HDAC4: variants seen among roughly 807,000 people sequenced by gnomAD.
HDAC4 encodes histone deacetylase A.
A neutral mutation model predicts 135.1 loss-of-function variants in HDAC4; 16 were observed. That is an observed-to-expected ratio of 0.12 (90% confidence interval 0.08 to 0.18). HDAC4 has a LOEUF of 0.18. HDAC4 is among the 10% of genes least tolerant of loss of function. The probability of loss-of-function intolerance (pLI) is 1.00; values close to 1 mark genes in which losing one functional copy is unlikely to be tolerated. For missense variants in HDAC4, 1,143 were observed against 1,511.8 expected (o/e 0.76, Z 4.05); for synonymous variants, 685 against 653.4 (o/e 1.05, Z -0.74).
At chr2:239,065,716 G>T (rs1002257938) in intron 24 of HDAC4, among the ~76,000 whole-genome samples, 1 of 152,210 alleles carries the variant, frequency 6.6e-6, no homozygotes, top group Non-Finnish European at 1.5e-5. Context: ...CTCAGGCACT[G>T]CCCTGCCCTC....
intron 1 of HDAC4, among the ~76,000 whole-genome samples, chr2:239,359,716 G>C (rs1169655815): frequency 6.6e-6 from 1 of 152,206 alleles, no homozygotes; most frequent in Non-Finnish European, 1.5e-5. Context: ...CTGAGAGCCA[G>C]GTCACCAGGA....
chr2:239,378,993 ACACAG>A (rs888488773), intron 1 of HDAC4, among the ~76,000 whole-genome samples: 6 of 152,210 alleles, frequency 3.9e-5, no homozygotes, highest in African/African-American at 1.4e-4. Context: ...ACTCACTGGC[ACACAG>A]CAGAATCTTC....
chr2:239,078,665 G>T (rs2035005301), intron 22 of HDAC4, among the ~76,000 whole-genome samples: 1 of 152,206 alleles, frequency 6.6e-6, no homozygotes, highest in Admixed American at 6.5e-5. Flanking sequence ...ACTCAGAAAG[G>T]CACGTTCATC....
Position 239,126,607 on chromosome 2 carries a change from A to C in HDAC4, c.1382T>G (p.Leu461Arg). ...ADRVSPSIHK[L>R]RQHRPLGRTQ... is the part of the protein sequence containing the mutation. ...CCGCCCCAGTGGGCGGTGCTGCCGC[A>C]GCTTGTGGATGGAGGGGGACACCCG... Residue 461 changes from leucine (L) to arginine (R), a missense_variant, in exon 12 of 27, where the codon CTG becomes CGG. Physicochemically the swap from Leu to Arg is moderately radical, Grantham distance 102. Around this residue, in one of 9 missense-constraint regions of HDAC4, gnomAD observed 272 missense variants for 309.7 expected, o/e 0.88. Transcript: ENST00000543185. The C allele has an allele frequency of 5.6e-6, 9 of 1,613,956 alleles. No homozygotes were observed. The highest frequency in any genetic ancestry group is 7.6e-6 in the Non-Finnish European group (9 of 1,179,994).
At chr2:239,151,831 C>A (rs1374940260) in intron 7 of HDAC4, among the ~76,000 whole-genome samples, 3 of 152,212 alleles carry the variant, frequency 2.0e-5, no homozygotes, top group Non-Finnish European at 2.9e-5. Flanking sequence ...AGCAGCCGGG[C>A]CCCAACACAT....
chr2:239,151,882 A>G (rs2042139315), intron 7 of HDAC4, among the ~76,000 whole-genome samples: 1 of 152,174 alleles, frequency 6.6e-6, no homozygotes, highest in African/African-American at 2.4e-5. Context: ...GTGCCCAGGG[A>G]CACATGAGGA....
chr2:239,209,777 G>GT (rs2046260341), intron 3 of HDAC4, among the ~76,000 whole-genome samples: 2 of 152,226 alleles, frequency 1.3e-5, no homozygotes, highest in Admixed American at 1.3e-4. Flanking sequence ...TCCGTAACAT[G>GT]TAAGTAACTC....
intron 2 of HDAC4, among the ~76,000 whole-genome samples, chr2:239,315,284 A>G (rs113002392): frequency 4.6e-5 from 7 of 152,306 alleles, no homozygotes; most frequent in African/African-American, 1.7e-4. Context: ...CCTTGGGCAC[A>G]TGTTGTCAGC....
At chr2:239,207,041 G>T (rs1316496705) in intron 3 of HDAC4, among the ~76,000 whole-genome samples, 1 of 151,976 alleles carries the variant, frequency 6.6e-6, no homozygotes, top group Non-Finnish European at 1.5e-5. Flanking sequence ...GACTGCCCTG[G>T]CCTAAGCCAC....
At chr2:239,198,559 C>A (rs60788075) in intron 3 of HDAC4, among the ~76,000 whole-genome samples, 3 of 152,154 alleles carry the variant, frequency 2.0e-5, no homozygotes, top group Non-Finnish European at 4.4e-5. Context: ...CATGCAGAGG[C>A]GCTCAGGATC....
intron 22 of HDAC4, among the ~76,000 whole-genome samples, chr2:239,074,684 G>T (rs1466281687): frequency 1.3e-5 from 2 of 152,206 alleles, no homozygotes; most frequent in Non-Finnish European, 2.9e-5. Flanking sequence ...AACGTGAGGT[G>T]CATGAGTGCA....
chr2:239,144,689 C>T lies in HDAC4; in HGVS notation c.759G>A (p.Arg253=), dbSNP rs752560079. 1.2e-6 allele frequency: 2 copies of T among 1,614,172 alleles called. No homozygotes were observed. Among genetic ancestry groups the T allele is most frequent in the South Asian group, 1.1e-5 (1 of 91,086 alleles). The part of the protein sequence containing the change: ...KTASEPNLKL[R]SRLKQKVAER... ...CGGCCACTTTCTGCTTTAGCCTGGA[C>T]CGTAATTTCAGATTCGGTTCAGAAG... The change falls in exon 8 of 27, where the codon CGG becomes CGA. Residue 253 remains arginine, a synonymous_variant. Transcript: ENST00000543185.
intron 24 of HDAC4, among the ~76,000 whole-genome samples, chr2:239,058,099 C>T (rs751288525): frequency 1.3e-5 from 2 of 152,352 alleles, no homozygotes; most frequent in Admixed American, 6.5e-5. Flanking sequence ...CCTGGGTGCT[C>T]TGTGTCTACT....
chr2:239,316,177 G>A (rs1317665806), intron 2 of HDAC4, among the ~76,000 whole-genome samples: 1 of 152,198 alleles, frequency 6.6e-6, no homozygotes, highest in East Asian at 1.9e-4. Flanking sequence ...GAATAGGCTC[G>A]CTCAGACACT....
chr2:239,221,499 G>A (rs2046951451), intron 3 of HDAC4, among the ~76,000 whole-genome samples: 2 of 152,178 alleles, frequency 1.3e-5, no homozygotes, highest in African/African-American at 4.8e-5. Context: ...GTTAAGAGTG[G>A]CCAGCTGGGA....
At chr2:239,128,175 A>G (rs1458930316) in intron 11 of HDAC4, among the ~76,000 whole-genome samples, 1 of 152,226 alleles carries the variant, frequency 6.6e-6, no homozygotes, top group Non-Finnish European at 1.5e-5. Context: ...TGGCTATTAA[A>G]TTACAGTGAA....
At chr2:239,315,199 A>G (rs2053065885) in intron 2 of HDAC4, among the ~76,000 whole-genome samples, 1 of 152,196 alleles carries the variant, frequency 6.6e-6, no homozygotes, top group South Asian at 2.1e-4. Context: ...GACTGGACCA[A>G]TGTTCATCTT....
At chr2:239,290,384 G>A (rs2051393223) in intron 2 of HDAC4, among the ~76,000 whole-genome samples, 1 of 152,202 alleles carries the variant, frequency 6.6e-6, no homozygotes, top group Non-Finnish European at 1.5e-5. Context: ...ATGGCGTGAG[G>A]ATGTCCAGCA....
Position 239,097,370 on chromosome 2 carries a change from G to A in HDAC4, c.2234-2314C>T, listed in dbSNP as rs559139523. ...ACCAGCATGCCTCCCCTTCCTGGGC[G>A]CTGTCCTGGGCCTACTTCCTCCGTG... On this transcript the variant is annotated intron_variant, in intron 16 of 26. Transcript: ENST00000543185. Among the ~76,000 whole-genome samples, 24 of 152,350 alleles carry A rather than the reference G, an allele frequency of 1.6e-4. No individual in the cohort carries two copies. The South Asian group carries it at 2.5e-3, about 16-fold the overall frequency.
Sources: allele counts gnomAD v4.1 joint callset (sites outside exome capture counted in the v4.1 genomes callset), GRCh38; gene constraint gnomAD v4.1.1; regional missense constraint gnomAD v4.1.1; transcripts MANE v1.5; gene names NCBI Gene and HGNC (gene_info 2026-07-23, HGNC 2026-07-21).